Variants in F5 observed in about 807,000 individuals in gnomAD.
The protein encoded by F5 is coagulation factor V, also known as activated protein c cofactor.
A neutral mutation model predicts 216.4 loss-of-function variants in F5; 138 were observed. That is an observed-to-expected ratio of 0.64 (90% CI 0.56 to 0.73). F5 has a LOEUF of 0.73. F5 is among the 30% of genes least tolerant of loss of function. The probability of loss-of-function intolerance (pLI) is 0.00; values close to 1 mark genes in which losing one functional copy is unlikely to be tolerated. For synonymous variants in F5, 916 were observed against 930.7 expected, an observed-to-expected ratio of 0.98 and a Z score of 0.29; for missense variants, 2,403 against 2,674.0, an observed-to-expected ratio of 0.90 and a Z score of 2.24.
At chr1:169,583,159 A>G (rs1454116794) in intron 1 of F5, among the ~76,000 whole-genome samples, 1 of 152,252 alleles carries the variant, frequency 6.6e-6, no homozygotes, top group Non-Finnish European at 1.5e-5. Flanking sequence ...GAGAGGACAG[A>G]CAACAGGGAG....
chr1:169,524,476 G>T (rs973210395), intron 19 of F5, among the ~76,000 whole-genome samples: 3 of 152,174 alleles, frequency 2.0e-5, no homozygotes, highest in African/African-American at 7.2e-5. Flanking sequence ...AAATGGGCGC[G>T]TGGTCATAAG....
intron 22 of F5, among the ~76,000 whole-genome samples, chr1:169,519,908 C>T (rs749886628): frequency 4.2e-4 from 64 of 152,122 alleles, no homozygotes; most frequent in Non-Finnish European, 5.9e-5. Flanking sequence ...TCTTAAACAT[C>T]CTTGCTATAT....
Position 169,542,193 on chromosome 1 carries a change from G to C in F5, c.2897C>G (p.Thr966Arg). 1.9e-6 allele frequency: 3 copies of C among 1,614,114 alleles called. No homozygotes were observed. Among genetic ancestry groups the C allele is most frequent in the Non-Finnish European group, 2.5e-6 (3 of 1,180,000 alleles). The change falls in exon 13 of 25, where the codon ACA becomes AGA. Residue 966 changes from threonine to arginine, a missense_variant. Physicochemically the swap from Thr to Arg is moderately conservative, Grantham distance 71. Coordinates refer to ENST00000367797, the MANE Select transcript of F5 (RefSeq NM_000130.5). ...GCTGATCAGCCAATTGTTAACAGCTGTGTCTTCATCAGTATCTTGGATTAT... is the reference window on the plus strand; with the variant it reads ...GCTGATCAGCCAATTGTTAACAGCTCTGTCTTCATCAGTATCTTGGATTAT... ...YEIIQDTDED[T>R]AVNNWLISPQ...
intron 14 of F5, among the ~76,000 whole-genome samples, chr1:169,532,994 T>C (rs1189130252): frequency 6.6e-6 from 1 of 152,032 alleles, no homozygotes; most frequent in Non-Finnish European, 1.5e-5. Flanking sequence ...AAAGTTACAA[T>C]AACCAAAATA....
In F5 at chr1:169,520,619, A is replaced by G; in HGVS notation, c.6094T>C (p.Phe2032Leu). ...SDASTIKENQFDPPIVARYIR... is the reference protein window; with the variant it reads ...SDASTIKENQLDPPIVARYIR... ...TATCTAGCCACAATAGGTGGGTCAA[A>G]CTGATTCTCTTTTATTGTAGAGGCA... Residue 2032 changes from phenylalanine (F) to leucine (L), a missense_variant, in exon 22 of 25, where the codon TTT becomes CTT. Around this residue, in one of 4 missense-constraint regions of F5, gnomAD observed 659 missense variants for 787.9 expected, o/e 0.84. Coordinates refer to ENST00000367797, the MANE Select transcript of F5 (RefSeq NM_000130.5). 6.2e-7 allele frequency: 1 copy of G among 1,613,972 alleles called. No homozygotes were observed. The highest frequency in any genetic ancestry group is 8.5e-7 in the Non-Finnish European group (1 of 1,179,906).
At chr1:169,578,009 T>C (rs1048443101) in intron 2 of F5, among the ~76,000 whole-genome samples, 2 of 152,110 alleles carry the variant, frequency 1.3e-5, no homozygotes, top group Non-Finnish European at 2.9e-5. Flanking sequence ...AACACAGGAC[T>C]AGTCTGGGGA....
In F5 at chr1:169,542,778, A is replaced by G; in HGVS notation, c.2312T>C (p.Ile771Thr). The G allele has an allele frequency of 1.9e-6, 3 of 1,614,130 alleles. No homozygotes were observed. The highest frequency in any genetic ancestry group is 1.3e-5 in the African/African-American group (1 of 75,042). Reference protein sequence around the residue: ...GTEFVSSNTDIIVGSNYSSPS... With the variant: ...GTEFVSSNTDTIVGSNYSSPS... ...GGAAGAATAATTTGAACCAACAATT[A>G]TATCTGTGTTTGAAGAAACGAATTC... Residue 771 changes from isoleucine to threonine, a missense_variant, in exon 13 of 25, where the codon ATA (isoleucine) becomes ACA (threonine). Physicochemically the swap from Ile to Thr is moderately conservative, Grantham distance 89. Coordinates refer to ENST00000367797, the MANE Select transcript of F5 (RefSeq NM_000130.5).
At chr1:169,572,951 TC>T (rs9332520) in intron 2 of F5, among the ~76,000 whole-genome samples, 246 of 82,214 alleles carry the variant, frequency 3.0e-3, no homozygotes, top group African/African-American at 7.2e-3. Context: ...GGAGCATTTT[TC>T]TTTTTTTTTT....
At chr1:169,534,307 G>A (rs1364651667) in intron 14 of F5, among the ~76,000 whole-genome samples, 1 of 152,134 alleles carries the variant, frequency 6.6e-6, no homozygotes, top group East Asian at 1.9e-4. Context: ...AGGGGTTTTT[G>A]TCTGTGGCTT....
intron 3 of F5, among the ~76,000 whole-genome samples, chr1:169,565,037 T>C (rs765113867): frequency 6.6e-6 from 1 of 152,078 alleles, no homozygotes; most frequent in Non-Finnish European, 1.5e-5. Flanking sequence ...TCCTTGTCCC[T>C]TGGGTCCCCT....
Position 169,546,549 on chromosome 1 carries a change from T to TCAAACAGAG in F5, c.1654_1655insCTCTGTTTG (p.Phe551_Asp552insAlaLeuPhe). 6.2e-7 allele frequency: 1 copy of TCAAACAGAG among 1,614,160 alleles called. No homozygotes were observed. Among genetic ancestry groups the TCAAACAGAG allele is most frequent in the Non-Finnish European group, 8.5e-7 (1 of 1,179,998 alleles). On this transcript the variant is annotated inframe_insertion, in exon 11 of 25. Transcript: ENST00000367797. ...CTCAAGGTACCAGCTTTTGTTCTCA[T>TCAAACAGAG]CAAACACAGCAAACACAGCCTGCTG...
At chr1:169,547,504 C>G (rs1001663230) in intron 10 of F5, among the ~76,000 whole-genome samples, 1 of 152,050 alleles carries the variant, frequency 6.6e-6, no homozygotes, top group Non-Finnish European at 1.5e-5. Flanking sequence ...AAAAAACAAA[C>G]AGCCCCATTA....
rs1386573441 is a variant in F5, at chr1:169,523,839, T to C, written c.5854A>G (p.Lys1952Glu). Residue 1952 changes from lysine (K) to glutamate (E), a missense_variant, in exon 20 of 25, where the codon AAA (lysine) becomes GAA (glutamate). Coordinates refer to ENST00000367797, the MANE Select transcript of F5 (RefSeq NM_000130.5). ...TTAGAGGCAAATTCTGCTGCAAGTT[T>C]TTCTACACTCCAAGCATTATAAGAT... ...GGSYNAWSVEKLAAEFASKPW... is the reference protein window; with the variant it reads ...GGSYNAWSVEELAAEFASKPW... 6.2e-7 allele frequency: 1 copy of C among 1,613,806 alleles called. No individual in the cohort carries two copies. Among genetic ancestry groups the C allele is most frequent in the East Asian group, 2.2e-5 (1 of 44,882 alleles).
intron 2 of F5, among the ~76,000 whole-genome samples, chr1:169,576,709 G>A (rs1354665830): frequency 6.6e-6 from 1 of 152,130 alleles, no homozygotes; most frequent in African/African-American, 2.4e-5. Context: ...CTTGGCTCCT[G>A]ATGGAAGTTT....
chr1:169,576,881 C>G (rs1660863937), intron 2 of F5, among the ~76,000 whole-genome samples: 1 of 152,156 alleles, frequency 6.6e-6, no homozygotes, highest in South Asian at 2.1e-4. Context: ...AGAAAGTCTC[C>G]TAAGTTATTT....
At chr1:169,585,978 A>G (rs1470233882) in intron 1 of F5, among the ~76,000 whole-genome samples, 1 of 152,230 alleles carries the variant, frequency 6.6e-6, no homozygotes, top group Non-Finnish European at 1.5e-5. Flanking sequence ...TTGAAAATAA[A>G]CTTGAAAAGA....
At chr1:169,520,260 G>A (rs1659264818) in intron 22 of F5, among the ~76,000 whole-genome samples, 1 of 152,174 alleles carries the variant, frequency 6.6e-6, no homozygotes, top group Admixed American at 6.5e-5. Context: ...CCAAATTAGA[G>A]CCCTTCCTTG....
chr1:169,520,708 A>G lies in F5; in HGVS notation c.6049-44T>C, dbSNP rs9332658. ...GTTTAGTTATGTAACAATGATCTATAAAGTGACTTTATATTAAAATTTTGA... is the reference window on the plus strand; with the variant it reads ...GTTTAGTTATGTAACAATGATCTATGAAGTGACTTTATATTAAAATTTTGA... On this transcript the variant is annotated intron_variant, in intron 21 of 24. Transcript: ENST00000367797. 66,886 of 1,544,830 alleles carry G rather than the reference A, an allele frequency of 0.043. 11,025 individuals are homozygous for G. The East Asian group carries it at 0.62, about 14-fold the overall frequency.
chr1:169,584,473 T>A (rs942911397), intron 1 of F5, among the ~76,000 whole-genome samples: 1 of 152,252 alleles, frequency 6.6e-6, no homozygotes, highest in African/African-American at 2.4e-5. Flanking sequence ...ACAAGTTTTC[T>A]AAGGAAATTT....
Sources: allele counts gnomAD v4.1 joint callset (sites outside exome capture counted in the v4.1 genomes callset), GRCh38; gene constraint gnomAD v4.1.1; regional missense constraint gnomAD v4.1.1; transcripts MANE v1.5; gene names NCBI Gene and HGNC (gene_info 2026-07-23, HGNC 2026-07-21).